Variants in RNH1 observed in about 807,000 individuals in gnomAD.
The protein encoded by RNH1 is ribonuclease inhibitor.
RNH1 carries 38 observed loss-of-function variants against 46.1 expected under a neutral mutation model. The observed-to-expected ratio is 0.82, with a 90% CI of 0.64 to 1.08. The LOEUF is 1.08. Among genes scored for constraint, RNH1 ranks in the 50% least tolerant of loss-of-function variants. The pLI is 0.00. For missense variants in RNH1, 577 were observed against 590.7 expected (o/e 0.98, Z 0.24); for synonymous variants, 319 against 279.1 (o/e 1.14, Z -1.43).
chr11:497,541 G>A (rs1347495170), intron 9 of RNH1, among the ~76,000 whole-genome samples: 17 of 124,886 alleles, frequency 1.4e-4, no homozygotes, highest in African/African-American at 4.5e-4. Context: ...ACGGACCCTC[G>A]TGCTCACTCT....
chr11:502,594 G>T lies in RNH1; in HGVS notation c.-87-345C>A, dbSNP rs956159287. ...GTGGTCTGTGAGCCTGGAGGCCCCA[G>T]CAGGGGAGCAAGGGGGTCTGTGGGC... On this transcript the variant is annotated intron_variant, in intron 2 of 10. Coordinates refer to ENST00000354420, the MANE Select transcript of RNH1 (RefSeq NM_203387.3). This position sits in a 1 kb window ranked among gnomAD's most constrained non-coding sequence, Gnocchi z 5.8. 3.1e-5 allele frequency: 7 copies of T among 229,174 alleles called. No individual in the cohort carries two copies. Among genetic ancestry groups the T allele is most frequent in the African/African-American group, 1.6e-4 (7 of 44,808 alleles). 14.2% of individuals were successfully genotyped at this position (229,174 alleles called of 1,614,324 possible).
chr11:496,944 G>C (rs866952279), intron 9 of RNH1, among the ~76,000 whole-genome samples: 2 of 152,268 alleles, frequency 1.3e-5, no homozygotes, highest in African/African-American at 4.8e-5. Context: ...AAGCTCTCAG[G>C]CTTCATGAAA....
Position 499,274 on chromosome 11 carries a change from T to A in RNH1, c.444-89A>T, listed in dbSNP as rs1189041066. On this transcript the variant is annotated intron_variant, in intron 5 of 10. Coordinates refer to ENST00000354420, the MANE Select transcript of RNH1 (RefSeq NM_203387.3). ...GAGCACGGGGTGTGCTGGTGTCTCATCTCCCCTCAGTCTTCTGCCTGGGCA... is the reference window on the plus strand; with the variant it reads ...GAGCACGGGGTGTGCTGGTGTCTCAACTCCCCTCAGTCTTCTGCCTGGGCA... 3 of 1,428,456 alleles carry A rather than the reference T, an allele frequency of 2.1e-6. No homozygotes were observed. In the East Asian group the frequency reaches 7.0e-5, roughly 34 times the overall value. 88.5% of individuals were successfully genotyped at this position (1,428,456 alleles called of 1,614,324 possible).
chr11:504,968 C>T lies in RNH1; in HGVS notation c.-232G>A, dbSNP rs1409241962. On this transcript the variant is annotated 5_prime_UTR_variant, in exon 2 of 11. Coordinates refer to ENST00000354420, the MANE Select transcript of RNH1 (RefSeq NM_203387.3). The stretch of plus-strand genomic sequence containing the variant: ...TCCTCAAAACTTTGGACACACCCTC[C>T]GTTTCTGTCAGTCAAGAGTTCTTCA... The T allele has an allele frequency of 6.6e-6, 1 of 152,184 alleles. No individual in the cohort carries two copies. Among genetic ancestry groups the T allele is most frequent in the South Asian group, 2.1e-4 (1 of 4,828 alleles). The allele number at this position is 152,184 out of a possible 1,614,324, so 9.4% of individuals were successfully genotyped here.
rs777242602 is a variant in RNH1, at chr11:495,032, A to G, written c.1149T>C (p.Ser383=). ...CGGCGAGGCTGCTGCAGCTGCTGTC[A>G]CTCACATCGCAGTCGGCCAACCTGG... The part of the protein sequence containing the change: ...RVLWLADCDV[S]DSSCSSLAAT... Residue 383 remains serine (S), a synonymous_variant, in exon 10 of 11, where the codon AGT becomes AGC. Transcript: ENST00000354420. The G allele has an allele frequency of 3.1e-6, 5 of 1,605,184 alleles. No individual in the cohort carries two copies. The South Asian group carries it at 5.6e-5, about 18-fold the overall frequency.
chr11:500,348 G>T, intron 4 of RNH1, 136 bp downstream of exon 4: 1 of 1,063,938 alleles, frequency 9.4e-7, no homozygotes, highest in Non-Finnish European at 1.3e-6. Context: ...TGTGCCTCTG[G>T]CTGATGTTGG....
In RNH1 at chr11:502,517, C is replaced by A; in HGVS notation, c.-87-268G>T. 5.6e-6 allele frequency: 2 copies of A among 356,358 alleles called. No homozygotes were observed. The highest frequency in any genetic ancestry group is 1.1e-5 in the Non-Finnish European group (2 of 186,266). The allele number at this position is 356,358 out of a possible 1,614,324, so 22.1% of individuals were successfully genotyped here. ...CCCACAGAGGGCGGGACAGCAGCAG[C>A]CCGGGAAGCCCCTGCCTCTCATTTG... On this transcript the variant is annotated intron_variant, in intron 2 of 10. Transcript: ENST00000354420. This position sits in a 1 kb window ranked among gnomAD's most constrained non-coding sequence, Gnocchi z 5.8.
Position 502,548 on chromosome 11 carries a change from G to C in RNH1, c.-87-299C>G. Reference sequence around the variant, plus strand: ...AAGCCCCTGCCTCTCATTTGCTTGGGCAAGGACAGGGTAGGGTGGGGTGGT... The same window carrying C: ...AAGCCCCTGCCTCTCATTTGCTTGGCCAAGGACAGGGTAGGGTGGGGTGGT... On this transcript the variant is annotated intron_variant, in intron 2 of 10. Coordinates refer to ENST00000354420, the MANE Select transcript of RNH1 (RefSeq NM_203387.3). This position sits in a 1 kb window ranked among gnomAD's most constrained non-coding sequence, Gnocchi z 5.8. The C allele has an allele frequency of 3.2e-6, 1 of 314,134 alleles. No homozygotes were observed. Among genetic ancestry groups the C allele is most frequent in the Non-Finnish European group, 6.2e-6 (1 of 160,062 alleles). 19.5% of individuals were successfully genotyped at this position (314,134 alleles called of 1,614,324 possible).
At chr11:498,967 G>A in intron 6 of RNH1, 34 bp from the exon 7 acceptor site, 1 of 1,611,098 alleles carries the variant, frequency 6.2e-7, no homozygotes, top group South Asian at 1.1e-5. Flanking sequence ...GGCAGCACGG[G>A]ACCCCCCCTA....
At chr11:498,982 ACACCCCG>A in intron 6 of RNH1, 26 bp downstream of exon 6, 2 of 1,607,450 alleles carry the variant, frequency 1.2e-6, no homozygotes, top group Non-Finnish European at 1.7e-6. Flanking sequence ...CCCCTAGCCC[ACACCCCG>A]CACCCCCCCA....
chr11:506,697 G>A (rs1231037825), intron 1 of RNH1: 2 of 152,354 alleles, frequency 1.3e-5, no homozygotes, highest in African/African-American at 4.8e-5. Context: ...GGGGGAATAA[G>A]GTCAAGGATT....
chr11:499,962 C>A lies in RNH1; in HGVS notation c.310G>T (p.Val104Phe), dbSNP rs1404367304. ...AGGGTGCGTAGTGTGCTGGACAGGA[C>A]CCCGCAGCCGGCCCCCGTCAGGCAG... The part of the protein sequence containing the change: ...NCCLTGAGCG[V>F]LSSTLRTLPT... The change falls in exon 5 of 11, where the codon GTC becomes TTC. Residue 104 changes from valine (V) to phenylalanine (F), a missense_variant. Coordinates refer to ENST00000354420, the MANE Select transcript of RNH1 (RefSeq NM_203387.3). 1.0e-5 allele frequency: 16 copies of A among 1,599,566 alleles called. No homozygotes were observed. In the Admixed American group the frequency reaches 2.8e-4, roughly 28 times the overall value.
chr11:504,168 G>A (rs1850013955), intron 2 of RNH1, among the ~76,000 whole-genome samples: 1 of 152,174 alleles, frequency 6.6e-6, no homozygotes, highest in South Asian at 2.1e-4. Context: ...CCGTCTGGAG[G>A]CCAATTCAGG....
intron 8 of RNH1, 60 bp from the exon 9 acceptor site, chr11:498,201 T>C: frequency 6.5e-7 from 1 of 1,542,264 alleles, no homozygotes; most frequent in Non-Finnish European, 8.8e-7. Context: ...CAGCTGCGAC[T>C]GGCCCTTCCC....
chr11:495,202 C>A, intron 9 of RNH1, 149 bp from the exon 10 acceptor site: 1 of 788,512 alleles, frequency 1.3e-6, no homozygotes, highest in Admixed American at 2.8e-5. Context: ...GCTCACCGTC[C>A]CTGTGGCCCT....
intron 9 of RNH1, among the ~76,000 whole-genome samples, chr11:495,912 A>G (rs1191619667): frequency 6.6e-6 from 1 of 152,204 alleles, no homozygotes; most frequent in African/African-American, 2.4e-5. Flanking sequence ...GGCACACGGG[A>G]AACAGCAAAC....
chr11:494,847 C>T, intron 10 of RNH1, 36 bp downstream of exon 10: 1 of 1,611,958 alleles, frequency 6.2e-7, no homozygotes, highest in Non-Finnish European at 8.5e-7. Flanking sequence ...CCCTGGGCAG[C>T]CCTGGCCGCA....
chr11:499,151 C>G lies in RNH1; in HGVS notation c.478G>C (p.Glu160Gln). 6.2e-7 allele frequency: 1 copy of G among 1,612,870 alleles called. No homozygotes were observed. The highest frequency in any genetic ancestry group is 8.5e-7 in the Non-Finnish European group (1 of 1,179,930). Residue 160 changes from glutamate (E) to glutamine (Q), a missense_variant, in exon 6 of 11, where the codon GAG becomes CAG. By Grantham distance (29) the Glu-to-Gln change is conservative. Transcript: ENST00000354420. ...EYCSLSAASC[E>Q]PLASVLRAKP... ...GCCCTGAGCACGGAGGCCAGGGGCT[C>G]GCAGCTGGCAGCCGAGAGGCTGCAA...
chr11:500,031 CCT>C (rs756250413), intron 4 of RNH1, 32 bp from the exon 5 acceptor site: 14 of 1,508,176 alleles, frequency 9.3e-6, no homozygotes, highest in East Asian at 7.4e-5. Context: ...GCAGGGCTCC[CCT>C]GAGCCAAGCT....
Sources: allele counts gnomAD v4.1 joint callset (sites outside exome capture counted in the v4.1 genomes callset), GRCh38; gene constraint gnomAD v4.1.1; non-coding constraint Gnocchi (gnomAD v3.1); transcripts MANE v1.5; gene names NCBI Gene and HGNC (gene_info 2026-07-23, HGNC 2026-07-21).